The following STARD13 variants were observed in gnomAD, a reference collection of about 807,000 sequenced individuals.
The protein encoded by STARD13 is stAR-related lipid transfer protein 13.
In STARD13, 62 loss-of-function variants were observed where a neutral mutation model predicts 106.4. That is an observed-to-expected ratio of 0.58 (90% confidence interval 0.48 to 0.72). The LOEUF is 0.72. Ranked by LOEUF, STARD13 falls within the 30% of genes least tolerant of loss-of-function variation. The pLI, the probability that STARD13 is intolerant of heterozygous loss-of-function variation, is 0.00. For missense variants in STARD13, 1,387 were observed against 1,424.0 expected, an observed-to-expected ratio of 0.97 and a Z score of 0.42; for synonymous variants, 565 against 553.0, an observed-to-expected ratio of 1.02 and a Z score of -0.31.
At chr13:33,499,689 T>TTCTTCC in the STARD13 span, among the ~76,000 whole-genome samples, 1,543 of 126,266 alleles carry the variant, frequency 0.012, 128 homozygotes, top group African/African-American at 0.05. Context: ...CCTCTTTCTC[T>TTCTTCC]TCTTCCTCTT....
At chr13:33,403,288 T>G in the STARD13 span, among the ~76,000 whole-genome samples, 4 of 152,222 alleles carry the variant, frequency 2.6e-5, no homozygotes, top group African/African-American at 9.6e-5. Context: ...GTGGCTTGCT[T>G]CTTTGTGAGC....
the STARD13 span, among the ~76,000 whole-genome samples, chr13:33,528,678 C>T: frequency 6.6e-6 from 1 of 152,096 alleles, no homozygotes; most frequent in Non-Finnish European, 1.5e-5. Context: ...GCAAGAAAGA[C>T]ACCACTGATT....
intron 1 of STARD13, among the ~76,000 whole-genome samples, chr13:33,300,188 A>G (rs1479716266): frequency 6.6e-6 from 1 of 152,206 alleles, no homozygotes; most frequent in African/African-American, 2.4e-5. Context: ...TATAAAATTG[A>G]AGTTAAGCCT....
chr13:33,404,955 T>G, the STARD13 span, among the ~76,000 whole-genome samples: 31 of 152,262 alleles, frequency 2.0e-4, no homozygotes, highest in African/African-American at 6.5e-4. Flanking sequence ...TTTTGTATTT[T>G]TAGTAGAGAT....
At chr13:33,179,231 G>T (rs75508945) in intron 1 of STARD13, among the ~76,000 whole-genome samples, 3 of 152,178 alleles carry the variant, frequency 2.0e-5, no homozygotes, top group Non-Finnish European at 4.4e-5. Flanking sequence ...GGGCACAAGA[G>T]GGGTAAATAC....
chr13:33,668,434 G>T, the STARD13 span, among the ~76,000 whole-genome samples: 1 of 152,186 alleles, frequency 6.6e-6, no homozygotes, highest in Non-Finnish European at 1.5e-5. Context: ...ATGGGTGAGG[G>T]TGGCTATGAG....
At chr13:33,667,299 G>A in the STARD13 span, among the ~76,000 whole-genome samples, 3 of 152,216 alleles carry the variant, frequency 2.0e-5, no homozygotes, top group African/African-American at 2.4e-5. Flanking sequence ...TGGTAGGGAT[G>A]CTGCTGTACC....
chr13:33,301,409 A>C (rs1210650916), intron 1 of STARD13, among the ~76,000 whole-genome samples: 1 of 152,156 alleles, frequency 6.6e-6, no homozygotes, highest in Non-Finnish European at 1.5e-5. Context: ...GTCCTAATTA[A>C]TGATGTCTAA....
intron 1 of STARD13, among the ~76,000 whole-genome samples, chr13:33,242,235 C>T (rs925694201): frequency 3.3e-5 from 5 of 152,218 alleles, no homozygotes; most frequent in African/African-American, 7.2e-5. Flanking sequence ...CCGGCCACCA[C>T]CCTGTCTGGG....
the STARD13 span, among the ~76,000 whole-genome samples, chr13:33,598,688 T>C: frequency 3.3e-5 from 5 of 152,242 alleles, no homozygotes; most frequent in African/African-American, 4.8e-5. Context: ...ACTTTGCTAG[T>C]TTTTTAAATT....
rs765834265 is a variant in STARD13, at chr13:33,126,176, C to T, written c.1987G>A (p.Val663Ile). The change falls in exon 7 of 14, where the codon GTT (valine) becomes ATT (isoleucine). Residue 663 changes from valine (V) to isoleucine (I), a missense_variant. Val to Ile is a conservative substitution (Grantham distance 29). Coordinates refer to ENST00000336934, the MANE Select transcript of STARD13 (RefSeq NM_178006.4). The part of the protein sequence containing the change: ...PDYKDKAVFG[V>I]PLIVHVQRTG... The stretch of plus-strand genomic sequence containing the variant: ...CTTTGGACGTGGACTATGAGAGGAA[C>T]GCCAAAGACAGCCTTGTCTTTGTAG... 28 of 1,614,030 alleles carry T rather than the reference C, an allele frequency of 1.7e-5. No individual in the cohort carries two copies. The highest frequency in any genetic ancestry group is 8.9e-5 in the East Asian group (4 of 44,892).
chr13:33,421,371 A>T, the STARD13 span, among the ~76,000 whole-genome samples: 1 of 152,204 alleles, frequency 6.6e-6, no homozygotes, highest in Non-Finnish European at 1.5e-5. Flanking sequence ...TCCTGGACAC[A>T]TCCACCCTCC....
intron 1 of STARD13, among the ~76,000 whole-genome samples, chr13:33,285,130 A>C (rs547589552): frequency 8.9e-4 from 135 of 152,126 alleles, no homozygotes; most frequent in Non-Finnish European, 1.7e-3. Context: ...CCACATTTTA[A>C]ATGTGACGGA....
intron 1 of STARD13, among the ~76,000 whole-genome samples, chr13:33,187,123 T>C (rs1324268918): frequency 6.6e-6 from 1 of 152,204 alleles, no homozygotes; most frequent in African/African-American, 2.4e-5. Context: ...ATTGAGTCAC[T>C]TCCTGTCCTC....
At chr13:33,301,044 A>G (rs1446223317) in intron 1 of STARD13, among the ~76,000 whole-genome samples, 2 of 152,226 alleles carry the variant, frequency 1.3e-5, no homozygotes, top group South Asian at 2.1e-4. Context: ...AGTCTCTGTC[A>G]TACTTGCATT....
chr13:33,164,587 C>A (rs1251796816), intron 3 of STARD13, among the ~76,000 whole-genome samples: 1 of 152,188 alleles, frequency 6.6e-6, no homozygotes, highest in Non-Finnish European at 1.5e-5. Flanking sequence ...CAAATTCCTA[C>A]AGACACACCA....
intron 4 of STARD13, among the ~76,000 whole-genome samples, chr13:33,140,784 G>T (rs1325799533): frequency 6.8e-6 from 1 of 147,590 alleles, no homozygotes. Flanking sequence ...TTTTTTTGAG[G>T]CGGAGTCTCT....
upstream of STARD13, chr13:33,285,871 C>T (rs145099380): frequency 3.2e-6 from 3 of 943,778 alleles, no homozygotes; most frequent in South Asian, 2.4e-5. Flanking sequence ...GCAGTCAGCC[C>T]TAAGCCCCGA....
chr13:33,194,597 G>A (rs762384772), intron 1 of STARD13, among the ~76,000 whole-genome samples: 4 of 152,158 alleles, frequency 2.6e-5, no homozygotes, highest in Non-Finnish European at 5.9e-5. Flanking sequence ...TAAACTAGAT[G>A]TAATTTGTCA....
Sources: gnomAD v4.1 joint callset for allele counts (sites outside exome capture counted in the v4.1 genomes callset) on GRCh38, gnomAD v4.1.1 for gene constraint, MANE v1.5 for transcripts, NCBI Gene and HGNC (gene_info 2026-07-23, HGNC 2026-07-21) for gene names.